Variants in FRMD3 observed in about 807,000 individuals in gnomAD.
The protein encoded by FRMD3 is FERM domain containing 3, also known as FERM domain-containing protein 3.
Under a neutral mutation model 70.2 loss-of-function variants are expected in FRMD3, and 33 were observed. The ratio of observed to expected loss-of-function variants is 0.47; its 90% CI spans 0.36 to 0.63. The LOEUF (loss-of-function observed/expected upper bound fraction) is 0.63, where lower values mean the gene tolerates loss of function less well. FRMD3 is among the 20% of genes least tolerant of loss of function. The probability of loss-of-function intolerance (pLI) is 0.00; values close to 1 mark genes in which losing one functional copy is unlikely to be tolerated. For synonymous variants in FRMD3, 279 were observed against 255.9 expected (o/e 1.09, Z -0.86); for missense variants, 632 against 711.4 (o/e 0.89, Z 1.27).
chr9:83,374,018 A>C (rs1825066709), intron 2 of FRMD3, among the ~76,000 whole-genome samples: 1 of 152,182 alleles, frequency 6.6e-6, no homozygotes, highest in Non-Finnish European at 1.5e-5. Context: ...TGCCGTTCAA[A>C]CATTTCCATG....
At chr9:83,392,762 T>C (rs1483433092) in intron 1 of FRMD3, among the ~76,000 whole-genome samples, 3 of 152,122 alleles carry the variant, frequency 2.0e-5, no homozygotes, top group African/African-American at 7.2e-5. Context: ...GTTCCACAAA[T>C]GTAGTGGAAT....
rs1041133530 is a variant in FRMD3, at chr9:83,510,206, G to A, written c.147+27879C>T. Among the ~76,000 whole-genome samples the A allele has an allele frequency of 9.2e-5, 14 of 152,156 alleles. 1 individual carries two copies. Among genetic ancestry groups the A allele is most frequent in the Middle Eastern group, 6.8e-3 (2 of 294 alleles). On this transcript the variant is annotated intron_variant, in intron 1 of 13. Coordinates refer to ENST00000304195, the MANE Select transcript of FRMD3 (RefSeq NM_174938.6). The stretch of plus-strand genomic sequence containing the variant: ...GGGCTCCAGAGAGAGTCTTCTCACC[G>A]GTTCAAATGTTAACCCCTAAAAGAC...
intron 1 of FRMD3, among the ~76,000 whole-genome samples, chr9:83,443,861 T>C (rs1827380547): frequency 6.6e-6 from 1 of 152,182 alleles, no homozygotes; most frequent in Non-Finnish European, 1.5e-5. Flanking sequence ...CATCTCATTG[T>C]GGTGAGAGTA....
rs376971247 is a variant in FRMD3 at position 83,268,920 on chromosome 9, CCT to C, written c.1196-20406_1196-20405del. ...AAATCTTCAACCCTTTGCAATTCCC[CCT>C]GATTATATAATTCTGAGCAGAATCC... On this transcript the variant is annotated intron_variant, in intron 13 of 13. Transcript: ENST00000304195. Among the ~76,000 whole-genome samples, 292 of 152,268 alleles carry C rather than the reference CCT, an allele frequency of 1.9e-3. 1 individual carries two copies. The highest frequency in any genetic ancestry group is 6.7e-3 in the African/African-American group (278 of 41,542).
intron 1 of FRMD3, among the ~76,000 whole-genome samples, chr9:83,490,794 TCTCTCACACACACACA>T (rs1828803877): frequency 8.3e-6 from 1 of 120,544 alleles, no homozygotes. Context: ...TCTCTCTCTC[TCTCTCACACACACACA>T]CACACACACA....
At chr9:83,271,091 A>T (rs1027109188) in intron 13 of FRMD3, among the ~76,000 whole-genome samples, 1 of 152,232 alleles carries the variant, frequency 6.6e-6, no homozygotes, top group East Asian at 1.9e-4. Context: ...CTGGGTGTTT[A>T]CATGACTGGG....
intron 3 of FRMD3, among the ~76,000 whole-genome samples, chr9:83,369,561 A>G (rs1302800106): frequency 6.6e-6 from 1 of 150,800 alleles, no homozygotes; most frequent in Non-Finnish European, 1.5e-5. Flanking sequence ...TGGATGACAG[A>G]GTGAGACTCT....
intron 13 of FRMD3, among the ~76,000 whole-genome samples, chr9:83,249,223 T>C (rs891477124): frequency 1.3e-5 from 2 of 152,194 alleles, no homozygotes; most frequent in African/African-American, 4.8e-5. Flanking sequence ...AAGCTTTTTT[T>C]CCCCTCTTGT....
chr9:83,372,868 T>C (rs1271239758), intron 3 of FRMD3, 45 bp downstream of exon 3: 3 of 1,536,054 alleles, frequency 2.0e-6, no homozygotes, highest in African/African-American at 2.7e-5. Flanking sequence ...AGTATCTATC[T>C]TTGGACACAT....
intron 1 of FRMD3, among the ~76,000 whole-genome samples, chr9:83,418,933 C>T (rs1285925127): frequency 1.3e-5 from 2 of 152,148 alleles, no homozygotes; most frequent in Non-Finnish European, 2.9e-5. Flanking sequence ...CTTATATATA[C>T]ACCATGGAAT....
chr9:83,509,787 G>GCACACA (rs34264142), intron 1 of FRMD3, among the ~76,000 whole-genome samples: 5 of 149,388 alleles, frequency 3.3e-5, no homozygotes, highest in East Asian at 2.0e-4. Flanking sequence ...ACACGCGCGC[G>GCACACA]CACACACACA....
intron 13 of FRMD3, among the ~76,000 whole-genome samples, chr9:83,279,809 G>A (rs1156236164): frequency 6.6e-6 from 1 of 151,326 alleles, no homozygotes; most frequent in East Asian, 2.0e-4. Context: ...CAGGGGGTCG[G>A]GGGAGGGAGA....
intron 13 of FRMD3, among the ~76,000 whole-genome samples, chr9:83,274,650 G>A (rs1209515800): frequency 1.3e-5 from 2 of 152,188 alleles, no homozygotes; most frequent in African/African-American, 4.8e-5. Context: ...TGGGACAAAA[G>A]GCCTTGCAGG....
At chr9:83,578,781 T>C in the FRMD3 span, among the ~76,000 whole-genome samples, 2 of 151,896 alleles carry the variant, frequency 1.3e-5, no homozygotes, top group East Asian at 1.9e-4. Context: ...CCCACTCTCA[T>C]CATTTCTTTT....
At chr9:83,484,528 G>A (rs1283861214) in intron 1 of FRMD3, among the ~76,000 whole-genome samples, 9 of 152,150 alleles carry the variant, frequency 5.9e-5, no homozygotes, top group South Asian at 2.1e-4. Flanking sequence ...AGCCATTCTC[G>A]TGCCTCAGCC....
intron 1 of FRMD3, among the ~76,000 whole-genome samples, chr9:83,522,800 T>G (rs1195506810): frequency 1.3e-5 from 2 of 151,874 alleles, no homozygotes; most frequent in Admixed American, 6.6e-5. Context: ...CCTGACCTCT[T>G]AATCTGCCCG....
chr9:83,473,549 T>C lies in FRMD3; in HGVS notation c.147+64536A>G, dbSNP rs563331292. Among the ~76,000 whole-genome samples, 8 of 152,334 alleles carry C rather than the reference T, an allele frequency of 5.3e-5. No individual in the cohort carries two copies. In the South Asian group the frequency reaches 6.2e-4, roughly 12 times the overall value. ...AAAGTACATCATACACTTTCTATCT[T>C]AGAAACAGAAAGTACATCATACACT... is the stretch of plus-strand genomic sequence containing the variant. On this transcript the variant is annotated intron_variant, in intron 1 of 13. Coordinates refer to ENST00000304195, the MANE Select transcript of FRMD3 (RefSeq NM_174938.6).
intron 13 of FRMD3, chr9:83,275,925 T>C (rs1833780550): frequency 6.6e-6 from 1 of 152,238 alleles, no homozygotes; most frequent in South Asian, 2.1e-4. Context: ...TCTTGTAGTA[T>C]AATTTAAATT....
intron 1 of FRMD3, among the ~76,000 whole-genome samples, chr9:83,490,794 T>TCACA (rs762233137): frequency 0.013 from 1,565 of 120,464 alleles, 15 homozygotes; most frequent in Non-Finnish European, 0.018. Context: ...TCTCTCTCTC[T>TCACA]CTCTCACACA....
Sources: allele counts gnomAD v4.1 joint callset (sites outside exome capture counted in the v4.1 genomes callset), GRCh38; gene constraint gnomAD v4.1.1; transcripts MANE v1.5; gene names NCBI Gene and HGNC (gene_info 2026-07-23, HGNC 2026-07-21).